The following GLYR1 variants were observed in gnomAD, a reference collection of about 807,000 sequenced individuals.
GLYR1 encodes cytokine-like nuclear factor N-PAC.
Under a neutral mutation model 72.7 loss-of-function variants are expected in GLYR1, and 21 were observed. The ratio of observed to expected loss-of-function variants is 0.29; its 90% CI spans 0.20 to 0.42. The LOEUF (loss-of-function observed/expected upper bound fraction) is 0.42, where lower values mean the gene tolerates loss of function less well. Among genes scored for constraint, GLYR1 ranks in the 10% least tolerant of loss-of-function variants. The pLI is 1.00. For synonymous variants in GLYR1, 392 were observed against 270.2 expected, an observed-to-expected ratio of 1.45 and a Z score of -4.42; for missense variants, 594 against 712.1, an observed-to-expected ratio of 0.83 and a Z score of 1.89.
chr16:4,824,090 G>A (rs1469008035), intron 5 of GLYR1, among the ~76,000 whole-genome samples, 183 bp from the exon 6 acceptor site: 2 of 152,130 alleles, frequency 1.3e-5, no homozygotes, highest in Non-Finnish European at 2.9e-5. Context: ...CTCAATTCTG[G>A]AAATAATAAA....
At chr16:4,806,334 T>G (rs2082966423) in intron 15 of GLYR1, among the ~76,000 whole-genome samples, 1 of 151,458 alleles carries the variant, frequency 6.6e-6, no homozygotes, top group Non-Finnish European at 1.5e-5. Context: ...TTACATTTAA[T>G]GGGAAATGGT....
chr16:4,812,013 T>A, intron 13 of GLYR1, 73 bp downstream of exon 13: 1 of 1,544,554 alleles, frequency 6.5e-7, no homozygotes, highest in Non-Finnish European at 8.7e-7. Flanking sequence ...CGTGTGGGAC[T>A]GACGCTGTCA....
intron 5 of GLYR1, among the ~76,000 whole-genome samples, 164 bp from the exon 6 acceptor site, chr16:4,824,071 G>C (rs1423695542): frequency 6.6e-6 from 1 of 152,184 alleles, no homozygotes; most frequent in Non-Finnish European, 1.5e-5. Context: ...CACAAAGTGA[G>C]TCTTTCTTCT....
chr16:4,845,075 G>T lies in GLYR1; in HGVS notation c.154C>A (p.His52Asn). Reference sequence around the variant, plus strand: ...AGACTCCTGGTGAGTACTACTCACTGATCTTCTGTTCCAAAAAATTTCACA... The same window carrying T: ...AGACTCCTGGTGAGTACTACTCACTTATCTTCTGTTCCAAAAAATTTCACA... ...FFVKFFGTED[H>N]AWIKVEQLKP... Residue 52 changes from histidine (H) to asparagine (N), a missense_variant and splice_region_variant, in exon 3 of 16, where the codon CAT becomes AAT. By Grantham distance (68) the His-to-Asn change is moderately conservative. Around this residue, in one of 5 missense-constraint regions of GLYR1, gnomAD observed 62 missense variants for 82.5 expected, o/e 0.75. Coordinates refer to ENST00000321919, the MANE Select transcript of GLYR1 (RefSeq NM_032569.4). The T allele has an allele frequency of 6.2e-7, 1 of 1,609,938 alleles. No homozygotes were observed. Among genetic ancestry groups the T allele is most frequent in the Non-Finnish European group, 8.5e-7 (1 of 1,176,264 alleles).
chr16:4,821,235 A>G (rs1293731718), intron 9 of GLYR1, 145 bp downstream of exon 9: 15 of 779,414 alleles, frequency 1.9e-5, no homozygotes, highest in African/African-American at 6.9e-5. Flanking sequence ...GTCTTTATCG[A>G]TAAGAGTTAC....
chr16:4,844,538 A>C (rs186709206), intron 3 of GLYR1, among the ~76,000 whole-genome samples: 1 of 152,382 alleles, frequency 6.6e-6, no homozygotes, highest in Admixed American at 6.5e-5. Context: ...TGGGAGGCCA[A>C]GGCAGGTGGA....
At chr16:4,835,050 C>T (rs141781041) in intron 3 of GLYR1, among the ~76,000 whole-genome samples, 1 of 152,246 alleles carries the variant, frequency 6.6e-6, no homozygotes, top group East Asian at 1.9e-4. Context: ...TCGTGACCAG[C>T]CAGTTCTTCC....
intron 5 of GLYR1, among the ~76,000 whole-genome samples, chr16:4,830,068 T>G (rs1475725569): frequency 6.6e-6 from 1 of 152,020 alleles, no homozygotes; most frequent in Non-Finnish European, 1.5e-5. Flanking sequence ...CCTCCCAAAG[T>G]GCTAGGATTA....
chr16:4,805,884 G>A (rs934644096), intron 15 of GLYR1, among the ~76,000 whole-genome samples: 9 of 152,146 alleles, frequency 5.9e-5, no homozygotes, highest in Admixed American at 1.3e-4. Context: ...AGGAGGTTGA[G>A]GCAGGAGAAT....
At chr16:4,833,529 T>C (rs2084928927) in intron 3 of GLYR1, among the ~76,000 whole-genome samples, 1 of 152,008 alleles carries the variant, frequency 6.6e-6, no homozygotes. Flanking sequence ...TCATAAATGA[T>C]GGTAACCATG....
At chr16:4,832,514 G>A (rs2084865441) in intron 4 of GLYR1, 1 of 570,358 alleles carries the variant, frequency 1.8e-6, no homozygotes, top group Non-Finnish European at 3.0e-6. Flanking sequence ...GGAAGAAATG[G>A]CCTGTGCTAG....
intron 9 of GLYR1, 122 bp from the exon 10 acceptor site, chr16:4,817,819 A>C (rs988422196): frequency 2.9e-6 from 2 of 688,538 alleles, no homozygotes; most frequent in Non-Finnish European, 5.2e-6. Context: ...AGACTGCCAG[A>C]AACAGCAGTG....
intron 5 of GLYR1, among the ~76,000 whole-genome samples, chr16:4,829,705 C>G (rs1161894262): frequency 6.6e-6 from 1 of 151,924 alleles, no homozygotes; most frequent in Non-Finnish European, 1.5e-5. Context: ...CGGAGTCTCA[C>G]TCTGTCGCCC....
At chr16:4,829,073 T>C (rs2084618395) in intron 5 of GLYR1, among the ~76,000 whole-genome samples, 1 of 152,070 alleles carries the variant, frequency 6.6e-6, no homozygotes, top group African/African-American at 2.4e-5. Context: ...AAGTTCTCTC[T>C]GCACTGCAGC....
intron 5 of GLYR1, among the ~76,000 whole-genome samples, chr16:4,825,985 A>G (rs988500514): frequency 6.6e-6 from 1 of 152,146 alleles, no homozygotes; most frequent in Admixed American, 6.5e-5. Flanking sequence ...ATAGAAAACT[A>G]AGGCACACAG....
rs575417533 is a variant in GLYR1, at chr16:4,842,860, C to T, written c.155+2214G>A. On this transcript the variant is annotated intron_variant, in intron 3 of 15. Coordinates refer to ENST00000321919, the MANE Select transcript of GLYR1 (RefSeq NM_032569.4). ...GATTATAGGTGTGCACCACCACACCCGACTAATTTTTGTATTTTTAGTAGA... is the reference window on the plus strand; with the variant it reads ...GATTATAGGTGTGCACCACCACACCTGACTAATTTTTGTATTTTTAGTAGA... Among the ~76,000 whole-genome samples, 5 of 152,100 alleles carry T rather than the reference C, an allele frequency of 3.3e-5. No individual in the cohort carries two copies. In the South Asian group the frequency reaches 6.2e-4, roughly 19 times the overall value.
At chr16:4,813,903 A>C (rs1247835786) in intron 11 of GLYR1, 65 bp from the exon 12 acceptor site, 3 of 1,239,810 alleles carry the variant, frequency 2.4e-6, no homozygotes, top group African/African-American at 3.0e-5. Flanking sequence ...AGCCCTACAG[A>C]CCTCAGATCA....
intron 3 of GLYR1, chr16:4,843,448 C>A: frequency 1.6e-6 from 2 of 1,221,352 alleles, no homozygotes; most frequent in Non-Finnish European, 1.0e-6. Flanking sequence ...AGGCACCATG[C>A]CCGGCCAAAT....
At chr16:4,810,716 A>G (rs1477029703) in intron 15 of GLYR1, among the ~76,000 whole-genome samples, 51 of 146,020 alleles carry the variant, frequency 3.5e-4, no homozygotes, top group African/African-American at 1.2e-3. Context: ...AAAAAAAAAA[A>G]AAAAAAAAAA....
Sources: allele counts gnomAD v4.1 joint callset (sites outside exome capture counted in the v4.1 genomes callset), GRCh38; gene constraint gnomAD v4.1.1; regional missense constraint gnomAD v4.1.1; transcripts MANE v1.5; gene names NCBI Gene and HGNC (gene_info 2026-07-23, HGNC 2026-07-21).